The following SENP7 variants were observed in gnomAD, a reference collection of about 807,000 sequenced individuals.
SENP7 encodes the protein sentrin-specific protease 7.
SENP7 carries 64 observed loss-of-function variants against 141.2 expected under a neutral mutation model. The ratio of observed to expected loss-of-function variants is 0.45; its 90% CI spans 0.37 to 0.56. The LOEUF is 0.56. Ranked by LOEUF, SENP7 falls within the 20% of genes least tolerant of loss-of-function variation. The probability of loss-of-function intolerance (pLI) is 0.00; values close to 1 mark genes in which losing one functional copy is unlikely to be tolerated. For synonymous variants in SENP7, 382 were observed against 426.4 expected, an observed-to-expected ratio of 0.90 and a Z score of 1.28; for missense variants, 1,025 against 1,212.2, an observed-to-expected ratio of 0.85 and a Z score of 2.29.
At chr3:101,344,991 CAAAA>C (rs71132568) in intron 13 of SENP7, among the ~76,000 whole-genome samples, 24,211 of 61,588 alleles carry the variant, frequency 0.39, 3,898 homozygotes, top group Admixed American at 0.5. Context: ...AAAAAGAAAG[CAAAA>C]AAAAAAAAAA....
chr3:101,429,886 G>C (rs1463061524), intron 4 of SENP7, among the ~76,000 whole-genome samples: 5 of 152,136 alleles, frequency 3.3e-5, no homozygotes, highest in Non-Finnish European at 7.3e-5. Flanking sequence ...TTTACTGAGA[G>C]TTTTTAGCAT....
chr3:101,328,063 A>G (rs1404746798), intron 22 of SENP7, among the ~76,000 whole-genome samples: 2 of 152,300 alleles, frequency 1.3e-5, no homozygotes, highest in East Asian at 1.9e-4. Context: ...TAACTCAACA[A>G]AGTAAACTAA....
chr3:101,432,908 T>C (rs1286940535), intron 4 of SENP7, among the ~76,000 whole-genome samples: 2 of 152,012 alleles, frequency 1.3e-5, no homozygotes, highest in Admixed American at 1.3e-4. Context: ...AGGAAAATAA[T>C]CACTGGAAGC....
At position 101,361,685 on chromosome 3, in the gene SENP7, CTAAAAGAAAA is replaced by C. The variant is rs1192024233; in HGVS notation, c.1623+20_1623+29del. On this transcript the variant is annotated intron_variant, in intron 11 of 23. Coordinates refer to ENST00000394095, the MANE Select transcript of SENP7 (RefSeq NM_020654.5). Reference sequence around the variant, plus strand: ...TAAAATGCCTTGTCCAAGATCCAAACTAAAAGAAAATTAAAGAAAATATACTTACTGTAAC... The same window carrying C: ...TAAAATGCCTTGTCCAAGATCCAAACTTAAAGAAAATATACTTACTGTAAC... 2 of 1,501,836 alleles carry C rather than the reference CTAAAAGAAAA, an allele frequency of 1.3e-6. No individual in the cohort carries two copies. The highest frequency in any genetic ancestry group is 2.9e-5 in the African/African-American group (2 of 69,656). 93.0% of individuals were successfully genotyped at this position (1,501,836 alleles called of 1,614,324 possible). A position where few individuals can be genotyped will look rare whatever the true frequency, so the allele number is the denominator to read the frequency against.
At chr3:101,371,014 G>T (rs2060163999) in intron 7 of SENP7, among the ~76,000 whole-genome samples, 1 of 152,178 alleles carries the variant, frequency 6.6e-6, no homozygotes, top group African/African-American at 2.4e-5. Context: ...CAGTGGCCAA[G>T]CGCGGTGGCT....
rs1483471579 is a variant in SENP7, at chr3:101,341,697, G to A, written c.2189C>T (p.Ser730Phe). Residue 730 changes from serine (S) to phenylalanine (F), a missense_variant, in exon 15 of 24, where the codon TCT (serine) becomes TTT (phenylalanine). Physicochemically the swap from Ser to Phe is radical, Grantham distance 155 (BLOSUM62 -2). This residue lies in a region of SENP7 where 295 missense variants were observed against 459.1 expected (regional missense o/e 0.64). Transcript: ENST00000394095. ...SSGCYSLSIT[S>F]NPDEEWREVR... ...TTCTCGCCATTCTTCATCTGGATTA[G>A]ATGTAATAGAAAGGGAGTAGCAACC... The A allele has an allele frequency of 4.3e-6, 7 of 1,611,634 alleles. No homozygotes were observed. The South Asian group carries it at 7.7e-5, about 18-fold the overall frequency.
At chr3:101,355,756 G>A (rs1372040657) in intron 11 of SENP7, among the ~76,000 whole-genome samples, 1 of 152,068 alleles carries the variant, frequency 6.6e-6, no homozygotes, top group Non-Finnish European at 1.5e-5. Context: ...GAATATCATT[G>A]ATAATTTGAT....
intron 6 of SENP7, among the ~76,000 whole-genome samples, chr3:101,372,685 A>G (rs1422454650): frequency 6.6e-6 from 1 of 152,108 alleles, no homozygotes; most frequent in African/African-American, 2.4e-5. Flanking sequence ...AATATAAAAC[A>G]TACTATAATG....
intron 13 of SENP7, 25 bp from the exon 14 acceptor site, chr3:101,343,979 A>G: frequency 7.2e-7 from 1 of 1,389,086 alleles, no homozygotes; most frequent in Non-Finnish European, 9.8e-7. Flanking sequence ...AATAATTTGT[A>G]TCAATAGTAT....
chr3:101,463,364 A>AATATATATATAT (rs71625265), intron 3 of SENP7, among the ~76,000 whole-genome samples: 112 of 89,148 alleles, frequency 1.3e-3, no homozygotes, highest in Non-Finnish European at 1.7e-3. Flanking sequence ...TAAATAAATA[A>AATATATATATAT]ATATATATAT....
At chr3:101,373,821 A>G (rs934422095) in intron 6 of SENP7, among the ~76,000 whole-genome samples, 16 of 152,206 alleles carry the variant, frequency 1.1e-4, no homozygotes, top group African/African-American at 3.9e-4. Context: ...TAAACTGTAC[A>G]TGGTGGAAAG....
rs2063391330 is a variant in SENP7 at position 101,457,466 on chromosome 3, G to C, written c.284+1489C>G. 16 of 1,607,788 alleles carry C rather than the reference G, an allele frequency of 1.0e-5. No individual in the cohort carries two copies. In the South Asian group the frequency reaches 1.8e-4, roughly 18 times the overall value. On this transcript the variant is annotated intron_variant, in intron 4 of 23. Transcript: ENST00000394095. The stretch of plus-strand genomic sequence containing the variant: ...TTGTCTCGGCATGGCCTGTAATGGT[G>C]AAAGTGTTTGCTGCCAGAGATGCCT...
In SENP7 at chr3:101,347,735, A is replaced by AG. The variant is rs1392556332; in HGVS notation, c.1837+136_1837+137insC. On this transcript the variant is annotated intron_variant, in intron 13 of 23. Coordinates refer to ENST00000394095, the MANE Select transcript of SENP7 (RefSeq NM_020654.5). ...AGACTCCATCTCAAAAAAAAAAAAAAAAAGAAACAAAATTATTTTCACTAA... is the reference window on the plus strand; with the variant it reads ...AGACTCCATCTCAAAAAAAAAAAAAAGAAAGAAACAAAATTATTTTCACTAA... 13 of 533,524 alleles carry AG rather than the reference A, an allele frequency of 2.4e-5. No individual in the cohort carries two copies. The Admixed American group carries it at 2.5e-4, about 10-fold the overall frequency. The allele number at this position is 533,524 out of a possible 1,614,324, so 33.0% of individuals were successfully genotyped here. A position where few individuals can be genotyped will look rare whatever the true frequency, so the allele number is the denominator to read the frequency against.
At chr3:101,339,986 G>T (rs1183777295) in intron 16 of SENP7, 109 bp downstream of exon 16, 1 of 1,355,072 alleles carries the variant, frequency 7.4e-7, no homozygotes, top group Non-Finnish European at 9.7e-7. Flanking sequence ...CTGAAATCTT[G>T]GCAGGCTACT....
intron 6 of SENP7, among the ~76,000 whole-genome samples, chr3:101,382,771 A>G (rs1239822198): frequency 6.6e-6 from 1 of 152,210 alleles, no homozygotes; most frequent in Non-Finnish European, 1.5e-5. Context: ...ACTTATCTCC[A>G]TATTTGGGGT....
At chr3:101,498,143 G>C (rs1393619310) in intron 2 of SENP7, among the ~76,000 whole-genome samples, 1 of 152,154 alleles carries the variant, frequency 6.6e-6, no homozygotes, top group African/African-American at 2.4e-5. Flanking sequence ...ATGGGCAAAA[G>C]AGAAAACCAC....
chr3:101,435,311 A>G (rs1343061291), intron 4 of SENP7, among the ~76,000 whole-genome samples: 1 of 152,130 alleles, frequency 6.6e-6, no homozygotes, highest in Non-Finnish European at 1.5e-5. Flanking sequence ...TATCATAGTT[A>G]GTATCCTAGC....
At chr3:101,459,494 T>C (rs1256080527) in intron 3 of SENP7, among the ~76,000 whole-genome samples, 1 of 152,192 alleles carries the variant, frequency 6.6e-6, no homozygotes, top group East Asian at 1.9e-4. Context: ...TGACAGAGTT[T>C]AGATTAAATA....
intron 5 of SENP7, among the ~76,000 whole-genome samples, chr3:101,402,342 G>A (rs1395662344): frequency 6.6e-6 from 1 of 152,038 alleles, no homozygotes; most frequent in African/African-American, 2.4e-5. Flanking sequence ...TGCTAAATTG[G>A]GCCAAGCATG....
Sources: gnomAD v4.1 joint callset for allele counts (sites outside exome capture counted in the v4.1 genomes callset) on GRCh38, gnomAD v4.1.1 for gene constraint, gnomAD v4.1.1 regional missense constraint, MANE v1.5 for transcripts, NCBI Gene and HGNC (gene_info 2026-07-23, HGNC 2026-07-21) for gene names.